Variants in NRXN1 observed in about 807,000 individuals in gnomAD.
NRXN1 encodes neurexin-1.
A neutral mutation model predicts 150.9 loss-of-function variants in NRXN1; 39 were observed. The observed-to-expected ratio is 0.26, with a 90% confidence interval of 0.20 to 0.34. NRXN1 has a LOEUF of 0.34. Among genes scored for constraint, NRXN1 ranks in the 10% least tolerant of loss-of-function variants. The pLI, the probability that NRXN1 is intolerant of heterozygous loss-of-function variation, is 1.00. For synonymous variants in NRXN1, 924 were observed against 757.0 expected (o/e 1.22, Z -3.62); for missense variants, 1,815 against 1,949.9 (o/e 0.93, Z 1.30).
chr2:50,240,899 A>AT (rs768795780), intron 17 of NRXN1, among the ~76,000 whole-genome samples: 9 of 151,742 alleles, frequency 5.9e-5, no homozygotes, highest in Non-Finnish European at 1.2e-4. Context: ...GTGCTGTAAA[A>AT]ATATAAAATA....
chr2:49,961,319 TGC>T lies in NRXN1; in HGVS notation c.4129-17530_4129-17529del, dbSNP rs1491311598. Among the ~76,000 whole-genome samples, 11 of 141,608 alleles carry T rather than the reference TGC, an allele frequency of 7.8e-5. No individual in the cohort carries two copies. In the East Asian group the frequency reaches 1.0e-3, roughly 13 times the overall value. The allele number at this position is 141,608 out of a possible 152,430, so 92.9% of individuals were successfully genotyped here. ...ATCTTCCAAAATGCCTGCGCACGCA[TGC>T]ACACACACACACACACACACACACA... On this transcript the variant is annotated intron_variant, in intron 21 of 22. Transcript: ENST00000401669.
chr2:50,796,850 G>C (rs902693990), intron 5 of NRXN1, among the ~76,000 whole-genome samples: 38 of 152,154 alleles, frequency 2.5e-4, no homozygotes, highest in African/African-American at 8.9e-4. Flanking sequence ...TTATAAACAA[G>C]AGAAATTTAT....
intron 5 of NRXN1, among the ~76,000 whole-genome samples, chr2:50,899,564 A>G (rs1172623868): frequency 6.6e-6 from 1 of 152,160 alleles, no homozygotes. Context: ...ATTACCAGAG[A>G]GAAAATTTTT....
At chr2:50,119,947 C>T (rs1167030339) in intron 18 of NRXN1, among the ~76,000 whole-genome samples, 1 of 152,022 alleles carries the variant, frequency 6.6e-6, no homozygotes, top group Non-Finnish European at 1.5e-5. Context: ...AATGTTAAGC[C>T]ATGTTTTTGG....
At chr2:50,851,963 T>C (rs917687896) in intron 5 of NRXN1, among the ~76,000 whole-genome samples, 2 of 152,072 alleles carry the variant, frequency 1.3e-5, no homozygotes, top group East Asian at 1.9e-4. Flanking sequence ...GCAGTAACAA[T>C]AGAAAACACT....
chr2:50,061,193 T>G (rs757243696), intron 19 of NRXN1, among the ~76,000 whole-genome samples: 5 of 152,218 alleles, frequency 3.3e-5, no homozygotes, highest in Non-Finnish European at 7.3e-5. Context: ...TATCATTCAG[T>G]AGCTTTGCAT....
intron 17 of NRXN1, among the ~76,000 whole-genome samples, chr2:50,410,122 G>C (rs530452095): frequency 2.0e-5 from 3 of 151,994 alleles, no homozygotes; most frequent in African/African-American, 7.3e-5. Context: ...ATACAAGCAA[G>C]GATGTAGAAA....
chr2:50,157,360 G>C (rs1330130748), intron 18 of NRXN1, among the ~76,000 whole-genome samples: 1 of 151,982 alleles, frequency 6.6e-6, no homozygotes, highest in Admixed American at 6.6e-5. Context: ...TGTAAAGACA[G>C]AATATAAAAA....
intron 5 of NRXN1, among the ~76,000 whole-genome samples, chr2:50,850,231 G>GAA (rs539460509): frequency 4.4e-4 from 32 of 72,832 alleles, no homozygotes; most frequent in African/African-American, 8.0e-4. Flanking sequence ...TGTCTCGACA[G>GAA]AAAAAAAAAA....
intron 5 of NRXN1, among the ~76,000 whole-genome samples, chr2:50,785,229 T>A (rs192785600): frequency 6.7e-6 from 1 of 149,218 alleles, no homozygotes; most frequent in Non-Finnish European, 1.5e-5. Flanking sequence ...CCTCTAGAAC[T>A]CTGAGAAAAT....
intron 21 of NRXN1, among the ~76,000 whole-genome samples, chr2:49,986,097 T>C (rs1471041034): frequency 6.6e-6 from 1 of 152,190 alleles, no homozygotes; most frequent in Non-Finnish European, 1.5e-5. Flanking sequence ...AACTTAATAA[T>C]ATGTGACTTC....
At chr2:50,775,240 A>G (rs1703466618) in intron 5 of NRXN1, among the ~76,000 whole-genome samples, 1 of 152,094 alleles carries the variant, frequency 6.6e-6, no homozygotes, top group African/African-American at 2.4e-5. Context: ...GTTGAATATG[A>G]TTCTCTAACA....
intron 5 of NRXN1, among the ~76,000 whole-genome samples, chr2:50,666,868 T>C (rs1004632160): frequency 1.1e-5 from 1 of 87,808 alleles, no homozygotes; most frequent in Non-Finnish European, 2.4e-5. Context: ...ATGATGATGA[T>C]GATGATGATG....
intron 5 of NRXN1, among the ~76,000 whole-genome samples, chr2:50,832,531 T>C (rs1574639576): frequency 6.6e-6 from 1 of 152,208 alleles, no homozygotes; most frequent in South Asian, 2.1e-4. Flanking sequence ...CAGGCACCTG[T>C]AATCACAGCT....
At chr2:49,986,419 ATTTTAAAGAAAATAATACTG>A (rs1680923565) in intron 21 of NRXN1, among the ~76,000 whole-genome samples, 1 of 152,192 alleles carries the variant, frequency 6.6e-6, no homozygotes, top group African/African-American at 2.4e-5. Context: ...AAAAACATAC[ATTTTAAAGAAAATAATACTG>A]TTTTACATTT....
At chr2:50,189,683 C>T (rs1368331592) in intron 18 of NRXN1, among the ~76,000 whole-genome samples, 1 of 151,990 alleles carries the variant, frequency 6.6e-6, no homozygotes, top group Non-Finnish European at 1.5e-5. Flanking sequence ...AAGGAAGTCA[C>T]TCAGTATAAG....
At chr2:50,013,670 C>T (rs563822071) in intron 21 of NRXN1, among the ~76,000 whole-genome samples, 41 of 152,112 alleles carry the variant, frequency 2.7e-4, no homozygotes, top group African/African-American at 7.2e-4. Flanking sequence ...TTATAATCTG[C>T]GGAACCCAGG....
At chr2:50,228,713 T>A (rs866350097) in intron 18 of NRXN1, among the ~76,000 whole-genome samples, 1 of 152,024 alleles carries the variant, frequency 6.6e-6, no homozygotes, top group South Asian at 2.1e-4. Context: ...TTCACCAAAC[T>A]TTTTTGTCTG....
Position 50,346,666 on chromosome 2 carries a change from C to T in NRXN1, c.3365-109696G>A, listed in dbSNP as rs1382302270. On this transcript the variant is annotated intron_variant, in intron 17 of 22. Transcript: ENST00000401669. The surrounding 1 kb of genome is among the most constrained non-coding windows in gnomAD (Gnocchi z 5.0). ...AAGAGGGGAGCGAGGGGATAACCCG[C>T]GAGAACTTGGCATCGCAGACCCACC... 2.5e-6 allele frequency: 4 copies of T among 1,611,268 alleles called. No homozygotes were observed. Among genetic ancestry groups the T allele is most frequent in the Non-Finnish European group, 2.5e-6 (3 of 1,178,194 alleles).
Sources: allele counts gnomAD v4.1 joint callset (sites outside exome capture counted in the v4.1 genomes callset), GRCh38; gene constraint gnomAD v4.1.1; non-coding constraint Gnocchi (gnomAD v3.1); transcripts MANE v1.5; gene names NCBI Gene and HGNC (gene_info 2026-07-23, HGNC 2026-07-21).